ZMIZ1: variants seen among roughly 807,000 people sequenced by gnomAD.
The protein encoded by ZMIZ1 is zinc finger MIZ-type containing 1.
Under a neutral mutation model 113.9 loss-of-function variants are expected in ZMIZ1, and 17 were observed. The ratio of observed to expected loss-of-function variants is 0.15; its 90% CI spans 0.10 to 0.22. ZMIZ1 has a LOEUF of 0.22. ZMIZ1 is among the 10% of genes least tolerant of loss of function. ZMIZ1 has a pLI of 1.00. For synonymous variants in ZMIZ1, 607 were observed against 603.1 expected (o/e 1.01, Z -0.09); for missense variants, 1,059 against 1,477.8 (o/e 0.72, Z 4.65).
Position 79,299,136 on chromosome 10 carries a change from G to C in ZMIZ1, c.1753G>C (p.Val585Leu). The C allele has an allele frequency of 6.2e-7, 1 of 1,611,616 alleles. No individual in the cohort carries two copies. Residue 585 changes from valine to leucine, a missense_variant, in exon 16 of 25, where the codon GTC (valine) becomes CTC (leucine). By Grantham distance (32) the Val-to-Leu change is conservative (BLOSUM62 1). Around this residue, in one of 6 missense-constraint regions of ZMIZ1, gnomAD observed 217 missense variants for 426.9 expected, o/e 0.51. Transcript: ENST00000334512. ...EPFRLEHNLA[V>L]SNHVFHLRPT... is the part of the protein sequence containing the mutation. ...CTTCCGCCTGGAGCACAACCTGGCG[G>C]TCAGCAACCATGTGTTCCACCTGCG... is the stretch of plus-strand genomic sequence containing the variant.
At chr10:79,099,382 CCATGGCTCCA>C (rs1325636417) in intron 1 of ZMIZ1, among the ~76,000 whole-genome samples, 1 of 152,218 alleles carries the variant, frequency 6.6e-6, no homozygotes, top group Non-Finnish European at 1.5e-5. Context: ...TTCCCCCTCC[CCATGGCTCCA>C]CACAACACCA....
chr10:79,308,384 A>G (rs955423664), intron 23 of ZMIZ1, among the ~76,000 whole-genome samples: 1 of 152,202 alleles, frequency 6.6e-6, no homozygotes, highest in African/African-American at 2.4e-5. Context: ...CGGAGGCTGA[A>G]GTGGTGTGTC....
In ZMIZ1 at chr10:79,093,606, T is replaced by A. The variant is rs566781309; in HGVS notation, c.-337+24336T>A. ...CCTCCCAAAGTGCTAGGATGAGAGG[T>A]GTGAGCCACCACGCCTGGCCTGTAT... On this transcript the variant is annotated intron_variant, in intron 1 of 24. Transcript: ENST00000334512. Among the ~76,000 whole-genome samples, 13 of 152,056 alleles carry A rather than the reference T, an allele frequency of 8.5e-5. No homozygotes were observed. In the East Asian group the frequency reaches 2.5e-3, roughly 29 times the overall value.
At position 79,311,008 on chromosome 10, in the gene ZMIZ1, C is replaced by T; in HGVS notation, c.2920C>T (p.Pro974Ser). Residue 974 changes from proline to serine, a missense_variant, in exon 24 of 25, where the codon CCT becomes TCT. Physicochemically the swap from Pro to Ser is moderately conservative, Grantham distance 74. Coordinates refer to ENST00000334512, the MANE Select transcript of ZMIZ1 (RefSeq NM_020338.4). ...ACCACACCCCAGCAGCCAGTCAGGG[C>T]CTCCATTACATCACAGTGGGGCTCC... ...HVPHPSSQSG[P>S]PLHHSGAPPP... 10 of 1,613,978 alleles carry T rather than the reference C, an allele frequency of 6.2e-6. No individual in the cohort carries two copies. The highest frequency in any genetic ancestry group is 8.5e-6 in the Non-Finnish European group (10 of 1,180,014).
At chr10:79,298,369 A>G (rs374280528) in intron 14 of ZMIZ1, 37 bp from the exon 15 acceptor site, 4 of 1,591,728 alleles carry the variant, frequency 2.5e-6, no homozygotes, top group Non-Finnish European at 8.5e-7. Flanking sequence ...TGTCTCCGTA[A>G]TCCCATAACT....
chr10:79,136,822 T>C (rs1259132355), intron 2 of ZMIZ1, among the ~76,000 whole-genome samples: 1 of 152,158 alleles, frequency 6.6e-6, no homozygotes, highest in East Asian at 1.9e-4. Flanking sequence ...AGAGGGAGGC[T>C]TACAGGGAAG....
intron 7 of ZMIZ1, among the ~76,000 whole-genome samples, chr10:79,255,078 C>T (rs1044894598): frequency 5.9e-5 from 9 of 152,210 alleles, no homozygotes; most frequent in Non-Finnish European, 1.0e-4. Flanking sequence ...AGACGTTGCC[C>T]TCCACCCAGC....
At chr10:79,266,558 A>AG (rs1436296788) in intron 7 of ZMIZ1, among the ~76,000 whole-genome samples, 1 of 152,206 alleles carries the variant, frequency 6.6e-6, no homozygotes. Context: ...TCGGGCCAGA[A>AG]GGGGTGCCCC....
chr10:79,296,408 A>T lies in ZMIZ1; in HGVS notation c.1231-63A>T, dbSNP rs945060279. The T allele has an allele frequency of 5.1e-5, 80 of 1,576,408 alleles. No homozygotes were observed. The African/African-American group carries it at 9.7e-4, about 19-fold the overall frequency. ...CGGGCCCCATCCCGTTGTTCAGGTG[A>T]CCTGGCTATGTGACGTTGGCAACAT... is the stretch of plus-strand genomic sequence containing the variant. On this transcript the variant is annotated intron_variant, in intron 12 of 24. Transcript: ENST00000334512. The surrounding 1 kb of genome is among the most constrained non-coding windows in gnomAD (Gnocchi z 4.1).
rs564574319 is a variant in ZMIZ1, at chr10:79,088,483, G to A, written c.-337+19213G>A. ...GGGTGTTCAGGCCTGCCTAGGCACG[G>A]CCCTGGGTTCTTTCGGTTAAAGGTG... On this transcript the variant is annotated intron_variant, in intron 1 of 24. Transcript: ENST00000334512. Among the ~76,000 whole-genome samples, 4 of 152,348 alleles carry A rather than the reference G, an allele frequency of 2.6e-5. No individual in the cohort carries two copies. The South Asian group carries it at 6.2e-4, about 24-fold the overall frequency.
In ZMIZ1 at chr10:79,313,270, CCCACCCACCA is replaced by C. The variant is rs59213222; in HGVS notation, c.*533_*542del. The C allele has an allele frequency of 0.3, 46,484 of 154,908 alleles. 7,866 individuals are homozygous for C. The highest frequency in any genetic ancestry group is 0.46 in the African/African-American group (18,961 of 41,208). 9.6% of individuals were successfully genotyped at this position (154,908 alleles called of 1,614,324 possible). ...TGGCAGTTGGTGGCAGTGAGACCAG[CCCACCCACCA>C]CCACCCACCACAGAAAAGCACAAAC... is the stretch of plus-strand genomic sequence containing the variant. On this transcript the variant is annotated 3_prime_UTR_variant, in exon 25 of 25. Transcript: ENST00000334512.
chr10:79,129,946 A>T (rs777853138), intron 2 of ZMIZ1, among the ~76,000 whole-genome samples: 39 of 152,198 alleles, frequency 2.6e-4, no homozygotes, highest in South Asian at 1.7e-3. Context: ...GGGGGAGGGG[A>T]GCAGTGCTCC....
intron 7 of ZMIZ1, among the ~76,000 whole-genome samples, chr10:79,253,333 C>T (rs1315070545): frequency 6.6e-6 from 1 of 152,072 alleles, no homozygotes; most frequent in Non-Finnish European, 1.5e-5. Flanking sequence ...TGAGTTTGTG[C>T]AGGCTTACAA....
At chr10:79,227,567 G>C (rs1027759674) in intron 7 of ZMIZ1, among the ~76,000 whole-genome samples, 2 of 152,202 alleles carry the variant, frequency 1.3e-5, no homozygotes, top group African/African-American at 4.8e-5. Flanking sequence ...CTACATCATA[G>C]GTTTTAAGTG....
At chr10:79,211,572 T>A (rs1211806017) in intron 6 of ZMIZ1, among the ~76,000 whole-genome samples, 1 of 152,208 alleles carries the variant, frequency 6.6e-6, no homozygotes, top group Non-Finnish European at 1.5e-5. Context: ...TAAAAATCAC[T>A]TAGCCCCGAG....
chr10:79,114,506 C>CGTGCGTGT (rs1554852496), intron 1 of ZMIZ1, among the ~76,000 whole-genome samples: 1 of 93,192 alleles, frequency 1.1e-5, no homozygotes, highest in African/African-American at 4.7e-5. Flanking sequence ...TGTGTGTGTG[C>CGTGCGTGT]GTGTGTGTGT....
chr10:79,206,216 G>A (rs1195860178), intron 5 of ZMIZ1, among the ~76,000 whole-genome samples: 1 of 152,212 alleles, frequency 6.6e-6, no homozygotes, highest in Non-Finnish European at 1.5e-5. Flanking sequence ...CTGAACGCTG[G>A]TGAGATACTG....
chr10:79,133,397 C>T (rs80006832), intron 2 of ZMIZ1, among the ~76,000 whole-genome samples: 3,896 of 152,208 alleles, frequency 0.026, 83 homozygotes, highest in Non-Finnish European at 0.04. Flanking sequence ...TCCGGAGTTC[C>T]GGGAGGAAAG....
At chr10:79,253,888 A>T in intron 7 of ZMIZ1, among the ~76,000 whole-genome samples, 1 of 152,002 alleles carries the variant, frequency 6.6e-6, no homozygotes, top group East Asian at 1.9e-4. Context: ...ACACACACAC[A>T]CACATGCTGA....
Sources: allele counts gnomAD v4.1 joint callset (sites outside exome capture counted in the v4.1 genomes callset), GRCh38; gene constraint gnomAD v4.1.1; regional missense constraint gnomAD v4.1.1; non-coding constraint Gnocchi (gnomAD v3.1); transcripts MANE v1.5; gene names NCBI Gene and HGNC (gene_info 2026-07-23, HGNC 2026-07-21).